NTF3: variants seen among roughly 807,000 people sequenced by gnomAD.
NTF3 encodes neurotrophin 3, also known as neurotrophin-3.
In NTF3, 8 loss-of-function variants were observed where a neutral mutation model predicts 26.3. That is an observed-to-expected ratio of 0.30 (90% CI 0.18 to 0.55). The LOEUF (loss-of-function observed/expected upper bound fraction) is 0.55, where lower values mean the gene tolerates loss of function less well. NTF3 is among the 20% of genes least tolerant of loss of function. The pLI, the probability that NTF3 is intolerant of heterozygous loss-of-function variation, is 0.93. For synonymous variants in NTF3, 154 were observed against 145.5 expected (o/e 1.06, Z -0.42); for missense variants, 276 against 352.9 (o/e 0.78, Z 1.75).
Position 5,495,046 on chromosome 12 carries a change from C to A in NTF3, c.*58C>A. 1.4e-6 allele frequency: 2 copies of A among 1,466,900 alleles called. No homozygotes were observed. Among genetic ancestry groups the A allele is most frequent in the Non-Finnish European group, 9.3e-7 (1 of 1,075,890 alleles). The allele number at this position is 1,466,900 out of a possible 1,614,324, so 90.9% of individuals were successfully genotyped here. A position where few individuals can be genotyped will look rare whatever the true frequency, so the allele number is the denominator to read the frequency against. On this transcript the variant is annotated 3_prime_UTR_variant, in exon 2 of 2. Transcript: ENST00000423158. ...TTTAAATTATATGATATGCATGTAGCATATAAATGTTTATATTGTTTTTAT... is the reference window on the plus strand; with the variant it reads ...TTTAAATTATATGATATGCATGTAGAATATAAATGTTTATATTGTTTTTAT...
intron 1 of NTF3, among the ~76,000 whole-genome samples, chr12:5,442,130 G>C (rs1007340328): frequency 7.2e-5 from 11 of 152,190 alleles, no homozygotes; most frequent in African/African-American, 2.7e-4. Flanking sequence ...TGGTGAAGGA[G>C]GCAGTCAGGT....
At chr12:5,454,847 A>G (rs1014325479) in intron 1 of NTF3, among the ~76,000 whole-genome samples, 1 of 152,182 alleles carries the variant, frequency 6.6e-6, no homozygotes, top group South Asian at 2.1e-4. Flanking sequence ...GAGGACAGGA[A>G]AGTATAGCGA....
intron 1 of NTF3, among the ~76,000 whole-genome samples, chr12:5,476,922 G>C (rs1050440895): frequency 6.6e-6 from 1 of 152,048 alleles, no homozygotes; most frequent in East Asian, 1.9e-4. Context: ...AAAAGGTTGG[G>C]CACAAATATT....
At position 5,494,033 on chromosome 12, in the gene NTF3, T is replaced by A; in HGVS notation, c.19-161T>A. ...ATCTCCCGGGGGTGGGGGAAAGAAA[T>A]CACCTCTTCAGAATGTCCAGAGGGG... On this transcript the variant is annotated intron_variant, in intron 1 of 1. Transcript: ENST00000423158. This position sits in a 1 kb window ranked among gnomAD's most constrained non-coding sequence, Gnocchi z 8.3. 1 of 638,264 alleles carries A rather than the reference T, an allele frequency of 1.6e-6. No homozygotes were observed. The highest frequency in any genetic ancestry group is 2.0e-5 in the South Asian group (1 of 49,804). 39.5% of individuals were successfully genotyped at this position (638,264 alleles called of 1,614,324 possible). A position where few individuals can be genotyped will look rare whatever the true frequency, so the allele number is the denominator to read the frequency against.
intron 1 of NTF3, among the ~76,000 whole-genome samples, chr12:5,482,221 G>A (rs1049038156): frequency 6.6e-6 from 1 of 152,190 alleles, no homozygotes; most frequent in African/African-American, 2.4e-5. Context: ...GACGGGTACT[G>A]GCCTGTCGCT....
At chr12:5,485,078 C>G (rs936085490) in intron 1 of NTF3, among the ~76,000 whole-genome samples, 1 of 152,202 alleles carries the variant, frequency 6.6e-6, no homozygotes, top group African/African-American at 2.4e-5. Flanking sequence ...TTTTTACCAT[C>G]AAATGAGAAA....
chr12:5,453,781 C>A (rs570939075), intron 1 of NTF3, among the ~76,000 whole-genome samples: 2 of 152,306 alleles, frequency 1.3e-5, no homozygotes, highest in African/African-American at 4.8e-5. Context: ...AGGAATGGCC[C>A]AGCAACCAAG....
chr12:5,488,410 A>G (rs571935648), intron 1 of NTF3, among the ~76,000 whole-genome samples: 2 of 152,286 alleles, frequency 1.3e-5, no homozygotes, highest in East Asian at 3.9e-4. Flanking sequence ...GATCATTAAT[A>G]AAGAGATTAA....
Position 5,494,974 on chromosome 12 carries a change from A to G in NTF3, c.799A>G (p.Ile267Val), listed in dbSNP as rs767610418. ...TSCVCALSRK[I>V]GRT Reference sequence around the variant, plus strand: ...CTGTGTGTGTGCCTTGTCGAGAAAAATCGGAAGAACATGAATTGGCATCTC... The same window carrying G: ...CTGTGTGTGTGCCTTGTCGAGAAAAGTCGGAAGAACATGAATTGGCATCTC... Residue 267 changes from isoleucine to valine, a missense_variant, in exon 2 of 2, where the codon ATC becomes GTC. Physicochemically the swap from Ile to Val is conservative, Grantham distance 29. Coordinates refer to ENST00000423158, the MANE Select transcript of NTF3 (RefSeq NM_001102654.2). The surrounding 1 kb of genome is among the most constrained non-coding windows in gnomAD (Gnocchi z 8.3). 6.2e-6 allele frequency: 10 copies of G among 1,614,014 alleles called. No individual in the cohort carries two copies. In the South Asian group the frequency reaches 1.1e-4, roughly 18 times the overall value.
At chr12:5,470,587 C>T (rs1940652671) in intron 1 of NTF3, among the ~76,000 whole-genome samples, 1 of 152,228 alleles carries the variant, frequency 6.6e-6, no homozygotes, top group Admixed American at 6.5e-5. Context: ...CCTCTTCTTC[C>T]CATGGCTGCA....
chr12:5,482,659 AC>A (rs1364860508), intron 1 of NTF3, among the ~76,000 whole-genome samples: 1 of 149,280 alleles, frequency 6.7e-6, no homozygotes, highest in Non-Finnish European at 1.5e-5. Context: ...CTCAACTGAA[AC>A]CCCCTGTACA....
chr12:5,462,457 G>T, intron 1 of NTF3, among the ~76,000 whole-genome samples: 1 of 152,188 alleles, frequency 6.6e-6, no homozygotes, highest in East Asian at 1.9e-4. Flanking sequence ...CTCGAGGTAA[G>T]GATTAAGTAA....
chr12:5,457,348 TTAA>T (rs1194493424), intron 1 of NTF3, among the ~76,000 whole-genome samples: 5 of 152,180 alleles, frequency 3.3e-5, no homozygotes, highest in Non-Finnish European at 4.4e-5. Flanking sequence ...TGTTCAATGC[TTAA>T]ACCCCTTGCA....
At chr12:5,468,772 C>A (rs544983729) in intron 1 of NTF3, among the ~76,000 whole-genome samples, 2 of 152,252 alleles carry the variant, frequency 1.3e-5, no homozygotes, top group East Asian at 3.9e-4. Flanking sequence ...GATCTCCCCC[C>A]ACCAAGTGGG....
At chr12:5,466,584 A>T (rs1940592943) in intron 1 of NTF3, among the ~76,000 whole-genome samples, 1 of 152,234 alleles carries the variant, frequency 6.6e-6, no homozygotes, top group African/African-American at 2.4e-5. Context: ...AGGGCGGGAC[A>T]AGCAAAGGGA....
chr12:5,481,553 G>GCA (rs752668923), intron 1 of NTF3, among the ~76,000 whole-genome samples: 3 of 13,050 alleles, frequency 2.3e-4, no homozygotes, highest in Non-Finnish European at 3.5e-4. Context: ...ATACATATAT[G>GCA]CACACACACA....
intron 1 of NTF3, among the ~76,000 whole-genome samples, chr12:5,464,809 A>G (rs530548699): frequency 6.6e-6 from 1 of 152,182 alleles, no homozygotes; most frequent in Non-Finnish European, 1.5e-5. Context: ...TGAGTATCCT[A>G]TGTGCTTGAT....
At chr12:5,441,792 C>T (rs1940239872) in intron 1 of NTF3, among the ~76,000 whole-genome samples, 1 of 152,204 alleles carries the variant, frequency 6.6e-6, no homozygotes, top group Non-Finnish European at 1.5e-5. Context: ...AACAGTGTTA[C>T]CTTTATCCCC....
At chr12:5,467,764 T>C (rs1310296070) in intron 1 of NTF3, among the ~76,000 whole-genome samples, 1 of 152,192 alleles carries the variant, frequency 6.6e-6, no homozygotes, top group African/African-American at 2.4e-5. Flanking sequence ...GTGATTATTG[T>C]TTTTTAAATG....
Sources: gnomAD v4.1 joint callset for allele counts (sites outside exome capture counted in the v4.1 genomes callset) on GRCh38, gnomAD v4.1.1 for gene constraint, Gnocchi (gnomAD v3.1) non-coding constraint, MANE v1.5 for transcripts, NCBI Gene and HGNC (gene_info 2026-07-23, HGNC 2026-07-21) for gene names.